Variants in CAPN3 observed in about 807,000 individuals in gnomAD.
CAPN3 encodes the protein calpain 3, also known as calpain-3.
CAPN3 carries 88 observed loss-of-function variants against 114.0 expected under a neutral mutation model. The observed-to-expected ratio is 0.77, with a 90% CI of 0.65 to 0.92. The LOEUF is 0.92. Ranked by LOEUF, CAPN3 falls within the 40% of genes least tolerant of loss-of-function variation. CAPN3 has a pLI of 0.00. For missense variants in CAPN3, 1,028 were observed against 1,069.0 expected, an observed-to-expected ratio of 0.96 and a Z score of 0.53; for synonymous variants, 386 against 382.9, an observed-to-expected ratio of 1.01 and a Z score of -0.09.
rs28364389 is a variant in CAPN3, at chr15:42,384,768, G to C, written c.379+216G>C. Among the ~76,000 whole-genome samples, 2,223 of 152,198 alleles carry C rather than the reference G, an allele frequency of 0.015. 56 individuals carry two copies. Among genetic ancestry groups the C allele is most frequent in the African/African-American group, 0.051 (2,123 of 41,522 alleles). On this transcript the variant is annotated intron_variant, in intron 2 of 23. Coordinates refer to ENST00000397163, the MANE Select transcript of CAPN3 (RefSeq NM_000070.3). ...TTTAGCACTCTGCCATGCATCACAG[G>C]GGGTATCTGCATCCTGTGGCCTCCT...
At chr15:42,409,136 T>C in intron 16 of CAPN3, 167 bp from the exon 17 acceptor site, 7 of 675,952 alleles carry the variant, frequency 1.0e-5, no homozygotes, top group Non-Finnish European at 1.9e-5. Context: ...CCCTGAGGCC[T>C]CGATGCATCT....
chr15:42,360,006 A>G lies in CAPN3; in HGVS notation c.201A>G (p.Lys67=), dbSNP rs1408315770. Residue 67 remains lysine, a synonymous_variant, in exon 1 of 24, where the codon AAA becomes AAG. Coordinates refer to ENST00000397163, the MANE Select transcript of CAPN3 (RefSeq NM_000070.3). ...KEKTFEQLHK[K]CLEKKVLYVD... is the part of the protein sequence containing the mutation. ...AGACATTCGAGCAACTTCACAAGAA[A>G]TGTCTAGAAAAGAAAGTTCTTTATG... The G allele has an allele frequency of 2.5e-6, 4 of 1,614,124 alleles. No homozygotes were observed. The African/African-American group carries it at 5.3e-5, about 22-fold the overall frequency.
At chr15:42,405,856 A>AAAGCCAC in intron 14 of CAPN3, 70 bp from the exon 15 acceptor site, 1 of 1,320,844 alleles carries the variant, frequency 7.6e-7, no homozygotes, top group South Asian at 1.2e-5. Flanking sequence ...AGGGAAGCCA[A>AAAGCCAC]AAGCCACTGG....
intron 10 of CAPN3, among the ~76,000 whole-genome samples, chr15:42,400,416 A>G (rs1218418725): frequency 6.6e-6 from 1 of 152,106 alleles, no homozygotes; most frequent in African/African-American, 2.4e-5. Flanking sequence ...CCAGTTGGGG[A>G]CCTGACAACA....
chr15:42,409,129 T>G, intron 16 of CAPN3, 174 bp from the exon 17 acceptor site: 1 of 664,974 alleles, frequency 1.5e-6, no homozygotes. Flanking sequence ...GAAGAGTCCC[T>G]GAGGCCTCGA....
At position 42,409,345 on chromosome 15, in the gene CAPN3, C is replaced by G; in HGVS notation, c.1957C>G (p.Gln653Glu). The change falls in exon 17 of 24, where the codon CAA (glutamine) becomes GAA (glutamate). Residue 653 changes from glutamine to glutamate, a missense_variant. Transcript: ENST00000397163. ...SSDQESEEQQ[Q>E]FRNIFKQIAG... is the part of the protein sequence containing the mutation. ...TGATCAGGAAAGTGAGGAACAGCAA[C>G]AATTCCGGAACATTTTCAAGCAGAT... is the stretch of plus-strand genomic sequence containing the variant. 6.2e-7 allele frequency: 1 copy of G among 1,614,210 alleles called. No homozygotes were observed. The highest frequency in any genetic ancestry group is 1.3e-5 in the African/African-American group (1 of 75,058).
chr15:42,364,297 A>G (rs563401432), intron 1 of CAPN3, among the ~76,000 whole-genome samples: 40 of 152,318 alleles, frequency 2.6e-4, no homozygotes, highest in African/African-American at 8.9e-4. Context: ...AAAAACCATA[A>G]TTGAAGAACC....
intron 6 of CAPN3, among the ~76,000 whole-genome samples, chr15:42,391,573 G>A (rs531941121): frequency 1.3e-5 from 2 of 152,208 alleles, no homozygotes; most frequent in East Asian, 1.9e-4. Flanking sequence ...GGAATTCCGC[G>A]GCCTAGCAAG....
At chr15:42,379,896 C>T (rs962898953) in intron 1 of CAPN3, among the ~76,000 whole-genome samples, 1 of 152,122 alleles carries the variant, frequency 6.6e-6, no homozygotes, top group Non-Finnish European at 1.5e-5. Context: ...GCGAGCACAT[C>T]ACCTGAGGTC....
At chr15:42,411,484 A>G in intron 23 of CAPN3, 139 bp downstream of exon 23, 1 of 854,838 alleles carries the variant, frequency 1.2e-6, no homozygotes, top group South Asian at 1.3e-5. Context: ...ACATGGAGGG[A>G]GGCTCAGCAG....
rs2054130965 is a variant in CAPN3, at chr15:42,409,354, A to G, written c.1966A>G (p.Asn656Asp). ...QESEEQQQFR[N>D]IFKQIAGDDM... is the part of the protein sequence containing the mutation. ...AAGTGAGGAACAGCAACAATTCCGG[A>G]ACATTTTCAAGCAGATAGCAGGAGA... The change falls in exon 17 of 24, where the codon AAC becomes GAC. Residue 656 changes from asparagine to aspartate, a missense_variant. By Grantham distance (23) the Asn-to-Asp change is conservative (BLOSUM62 1). Coordinates refer to ENST00000397163, the MANE Select transcript of CAPN3 (RefSeq NM_000070.3). 1.9e-6 allele frequency: 3 copies of G among 1,614,202 alleles called. No individual in the cohort carries two copies. The highest frequency in any genetic ancestry group is 2.5e-6 in the Non-Finnish European group (3 of 1,180,030).
intron 3 of CAPN3, among the ~76,000 whole-genome samples, chr15:42,387,196 C>G (rs2053428633): frequency 2.0e-5 from 3 of 152,210 alleles, no homozygotes; most frequent in Non-Finnish European, 2.9e-5. Flanking sequence ...TGGCCCTTTT[C>G]AGTTCAAACT....
intron 1 of CAPN3, among the ~76,000 whole-genome samples, chr15:42,376,074 G>C (rs767243909): frequency 1.3e-5 from 2 of 152,300 alleles, no homozygotes; most frequent in South Asian, 4.1e-4. Context: ...TAAGGGTTTG[G>C]GGGAGGAAGA....
intron 13 of CAPN3, 97 bp downstream of exon 13, chr15:42,403,099 G>C: frequency 2.1e-6 from 2 of 966,260 alleles, no homozygotes; most frequent in Non-Finnish European, 3.3e-6. Context: ...TCTCCTCCAG[G>C]GTCCTTCTGC....
Position 42,385,540 on chromosome 15 carries a change from AG to A in CAPN3, c.380-626del, listed in dbSNP as rs767373862. 5.5e-3 allele frequency: 1,972 copies of A among 358,748 alleles called. 2 individuals carry two copies. The highest frequency in any genetic ancestry group is 0.017 in the South Asian group (732 of 42,886). 22.2% of individuals were successfully genotyped at this position (358,748 alleles called of 1,614,324 possible). On this transcript the variant is annotated intron_variant, in intron 2 of 23. Coordinates refer to ENST00000397163, the MANE Select transcript of CAPN3 (RefSeq NM_000070.3). ...TATATATATACACACACAGAGAGAG[AG>A]AGAGAGAGAGAGAGAGAGAAAGAGA...
chr15:42,380,959 G>A (rs112459998), intron 1 of CAPN3, among the ~76,000 whole-genome samples: 7,459 of 151,308 alleles, frequency 0.049, 569 homozygotes, highest in African/African-American at 0.16. Context: ...AGAGTTTCCA[G>A]TATACGTTTT....
chr15:42,410,300 G>A, intron 19 of CAPN3, 128 bp from the exon 20 acceptor site: 1 of 882,218 alleles, frequency 1.1e-6, no homozygotes, highest in South Asian at 1.3e-5. Context: ...GACTGGTGGT[G>A]GAGTGGAGGG....
chr15:42,389,909 C>G (rs376801349), intron 5 of CAPN3, 44 bp from the exon 6 acceptor site: 31 of 1,610,006 alleles, frequency 1.9e-5, no homozygotes, highest in Non-Finnish European at 2.6e-5. Flanking sequence ...TGTTTGTTCT[C>G]TCCCTCCCCT....
chr15:42,396,847 A>G lies in CAPN3; in HGVS notation c.1163A>G (p.Gln388Arg), dbSNP rs2141186439. ...GACAAAGATGAGAAGGCCCGTCTGC[A>G]GCACCAGGTCACTGAGGATGGAGAG... ...FVDKDEKARLQHQVTEDGEFW... is the reference protein window; with the variant it reads ...FVDKDEKARLRHQVTEDGEFW... Residue 388 changes from glutamine to arginine, a missense_variant, in exon 9 of 24, where the codon CAG becomes CGG. Coordinates refer to ENST00000397163, the MANE Select transcript of CAPN3 (RefSeq NM_000070.3). The G allele has an allele frequency of 1.2e-6, 2 of 1,614,078 alleles. No homozygotes were observed. The highest frequency in any genetic ancestry group is 1.7e-5 in the Admixed American group (1 of 60,016).
Sources: gnomAD v4.1 joint callset for allele counts (sites outside exome capture counted in the v4.1 genomes callset) on GRCh38, gnomAD v4.1.1 for gene constraint, MANE v1.5 for transcripts, NCBI Gene and HGNC (gene_info 2026-07-23, HGNC 2026-07-21) for gene names.